Variants in GARRE1 observed in about 807,000 individuals in gnomAD.
GARRE1 encodes the protein granule associated Rac and RHOG effector protein 1.
A neutral mutation model predicts 103.2 loss-of-function variants in GARRE1; 49 were observed. That is an observed-to-expected ratio of 0.47 (90% CI 0.38 to 0.60). The LOEUF is 0.60. GARRE1 is among the 20% of genes least tolerant of loss of function. The probability of loss-of-function intolerance (pLI) is 0.00; values close to 1 mark genes in which losing one functional copy is unlikely to be tolerated. For synonymous variants in GARRE1, 505 were observed against 532.8 expected, an observed-to-expected ratio of 0.95 and a Z score of 0.72; for missense variants, 1,199 against 1,370.5, an observed-to-expected ratio of 0.87 and a Z score of 1.98.
rs112037653 is a variant in GARRE1 at position 34,351,504 on chromosome 19, G to A, written c.2826-10G>A. ...AAGCAATCACTGCCCTGAGCTCTTG[G>A]TTCTTGCAGGAAACACAGCAGTGGA... On this transcript the variant is annotated splice_polypyrimidine_tract_variant and intron_variant, in intron 12 of 13. Transcript: ENST00000299505. The A allele has an allele frequency of 3.7e-6, 6 of 1,612,284 alleles. No homozygotes were observed. In the African/African-American group the frequency reaches 5.3e-5, roughly 14 times the overall value.
rs536678456 is a variant in GARRE1 at position 34,338,086 on chromosome 19, T to C, written c.1362-1781T>C. 2.0e-5 allele frequency among the ~76,000 whole-genome samples: 3 copies of C among 152,302 alleles called. No homozygotes were observed. The South Asian group carries it at 6.2e-4, about 32-fold the overall frequency. On this transcript the variant is annotated intron_variant, in intron 8 of 13. Transcript: ENST00000299505. ...GGCTCTCATTTCATTCTCTGATATA[T>C]TTCTTCCCAAGTCAAAGTCATGTTA...
At chr19:34,284,541 G>A (rs2073874979) in intron 1 of GARRE1, among the ~76,000 whole-genome samples, 1 of 152,140 alleles carries the variant, frequency 6.6e-6, no homozygotes, top group Non-Finnish European at 1.5e-5. Context: ...TTTAATCTGT[G>A]GAGAACTTTT....
chr19:34,345,662 A>AT (rs376833390), intron 10 of GARRE1, among the ~76,000 whole-genome samples: 24 of 152,254 alleles, frequency 1.6e-4, no homozygotes, highest in African/African-American at 5.5e-4. Context: ...TCTACCAAAA[A>AT]TACAAAAAAA....
chr19:34,257,884 C>CTTT (rs1038650248), intron 1 of GARRE1, among the ~76,000 whole-genome samples: 1 of 121,794 alleles, frequency 8.2e-6, no homozygotes. Flanking sequence ...TTTTCTTTTT[C>CTTT]TTTTTTTTCT....
intron 1 of GARRE1, among the ~76,000 whole-genome samples, chr19:34,292,285 A>G (rs535049827): frequency 5.4e-4 from 83 of 152,322 alleles, no homozygotes; most frequent in African/African-American, 1.9e-3. Flanking sequence ...GTTCGTCCAT[A>G]TTGTAGCATT....
At chr19:34,267,631 A>G (rs2073760465) in intron 1 of GARRE1, among the ~76,000 whole-genome samples, 1 of 152,172 alleles carries the variant, frequency 6.6e-6, no homozygotes, top group South Asian at 2.1e-4. Context: ...AGAAGTTTTG[A>G]AAACTTTTTT....
intron 1 of GARRE1, among the ~76,000 whole-genome samples, chr19:34,287,248 CTATCCTGATTCTAG>C (rs1337146229): frequency 6.6e-6 from 1 of 152,014 alleles, no homozygotes; most frequent in Non-Finnish European, 1.5e-5. Flanking sequence ...AGGAAGGGTG[CTATCCTGATTCTAG>C]TATCAGAGAA....
At chr19:34,333,109 C>T (rs1280207032) in intron 7 of GARRE1, among the ~76,000 whole-genome samples, 1 of 152,168 alleles carries the variant, frequency 6.6e-6, no homozygotes, top group African/African-American at 2.4e-5. Context: ...TGCAGTGGCG[C>T]AATCTCGGCT....
rs199681316 is a variant in GARRE1, at chr19:34,300,471, C to T, written c.-3C>T. The T allele has an allele frequency of 3.0e-5, 47 of 1,552,416 alleles. No homozygotes were observed. Among genetic ancestry groups the T allele is most frequent in the East Asian group, 1.4e-4 (6 of 44,030 alleles). The stretch of plus-strand genomic sequence containing the variant: ...CGGTTGCTGGGACAATTCCCCCTCC[C>T]GCATGTATTGCTGCAGTGCCCAGGA... On this transcript the variant is annotated 5_prime_UTR_variant, in exon 2 of 14. Coordinates refer to ENST00000299505, the MANE Select transcript of GARRE1 (RefSeq NM_014686.5).
intron 3 of GARRE1, among the ~76,000 whole-genome samples, chr19:34,326,721 C>T (rs1309795207): frequency 2.0e-5 from 3 of 151,294 alleles, no homozygotes; most frequent in Non-Finnish European, 4.4e-5. Context: ...CTCCAAGTAC[C>T]AATATTCTAG....
intron 1 of GARRE1, among the ~76,000 whole-genome samples, chr19:34,293,169 G>T (rs79652756): frequency 0.039 from 5,953 of 152,198 alleles, 217 homozygotes; most frequent in South Asian, 0.17. Context: ...AGCTTAAGTT[G>T]CTCTCTAAAC....
intron 8 of GARRE1, among the ~76,000 whole-genome samples, 157 bp downstream of exon 8, chr19:34,333,958 T>C (rs979066185): frequency 6.6e-6 from 1 of 152,234 alleles, no homozygotes; most frequent in African/African-American, 2.4e-5. Context: ...GTTAGTGGCA[T>C]GTGTCATGAT....
intron 1 of GARRE1, 49 bp downstream of exon 1, chr19:34,254,663 G>C (rs2073658747): frequency 6.8e-6 from 1 of 146,466 alleles, no homozygotes; most frequent in Non-Finnish European, 1.5e-5. Context: ...GGGCGGGGTC[G>C]GGCGGTGGGC....
At chr19:34,299,523 C>T (rs2073965556) in intron 1 of GARRE1, among the ~76,000 whole-genome samples, 156 bp from the exon 2 acceptor site, 1 of 152,190 alleles carries the variant, frequency 6.6e-6, no homozygotes. Flanking sequence ...GTCATCATTT[C>T]ATAGTTCAGT....
chr19:34,341,911 C>G lies in GARRE1; in HGVS notation c.1977C>G (p.Gly659=). Residue 659 remains glycine, a synonymous_variant, in exon 10 of 14, where the codon GGC becomes GGG. Coordinates refer to ENST00000299505, the MANE Select transcript of GARRE1 (RefSeq NM_014686.5). ...VIDFLSGFNM[G]QSHQGSPLVT... ...ATTTTCTCTCGGGCTTTAACATGGG[C>G]CAGTCACATCAGGGCTCTCCGTTGG... 1 of 1,614,144 alleles carries G rather than the reference C, an allele frequency of 6.2e-7. No homozygotes were observed. The highest frequency in any genetic ancestry group is 8.5e-7 in the Non-Finnish European group (1 of 1,180,034).
chr19:34,270,057 C>T (rs1297076348), intron 1 of GARRE1, among the ~76,000 whole-genome samples: 1 of 152,228 alleles, frequency 6.6e-6, no homozygotes, highest in Non-Finnish European at 1.5e-5. Flanking sequence ...ACCCTCCCTG[C>T]TCGGTGATTT....
At chr19:34,308,238 C>CTTTT (rs753284001) in intron 2 of GARRE1, among the ~76,000 whole-genome samples, 15 of 99,488 alleles carry the variant, frequency 1.5e-4, no homozygotes, top group Admixed American at 2.1e-4. Context: ...CATCCTGTTC[C>CTTTT]TTTTTTTTTT....
intron 1 of GARRE1, chr19:34,296,172 AGTTT>A (rs1248390811): frequency 2.9e-6 from 1 of 348,294 alleles, no homozygotes; most frequent in Admixed American, 4.8e-5. Context: ...TTCTTGCGTC[AGTTT>A]GTTTGTACAA....
chr19:34,343,460 T>TA lies in GARRE1; in HGVS notation c.2521+1006dup, dbSNP rs919149509. On this transcript the variant is annotated intron_variant, in intron 10 of 13. Transcript: ENST00000299505. ...TCAAAAAAAAGCCACTTTAAGACAGTACCATCTAAGACTTAATAGCAATAC... is the reference window on the plus strand; with the variant it reads ...TCAAAAAAAAGCCACTTTAAGACAGTAACCATCTAAGACTTAATAGCAATAC... Among the ~76,000 whole-genome samples, 62 of 151,874 alleles carry TA rather than the reference T, an allele frequency of 4.1e-4. 1 individual carries two copies. Among genetic ancestry groups the TA allele is most frequent in the African/African-American group, 1.4e-3 (58 of 41,426 alleles).
Sources: allele counts gnomAD v4.1 joint callset (sites outside exome capture counted in the v4.1 genomes callset), GRCh38; gene constraint gnomAD v4.1.1; transcripts MANE v1.5; gene names NCBI Gene and HGNC (gene_info 2026-07-23, HGNC 2026-07-21).